CUX1: variants seen among roughly 807,000 people sequenced by gnomAD.
CUX1 encodes the protein protein CASP.
In CUX1, 31 loss-of-function variants were observed where a neutral mutation model predicts 158.8. That is an observed-to-expected ratio of 0.20 (90% CI 0.15 to 0.26). CUX1 has a LOEUF of 0.26. CUX1 is among the 10% of genes least tolerant of loss of function. The pLI is 1.00. For missense variants in CUX1, 1,589 were observed against 2,014.6 expected, an observed-to-expected ratio of 0.79 and a Z score of 4.04; for synonymous variants, 879 against 862.1, an observed-to-expected ratio of 1.02 and a Z score of -0.34.
intron 6 of CUX1, among the ~76,000 whole-genome samples, chr7:102,105,723 G>A: frequency 6.6e-6 from 1 of 151,926 alleles, no homozygotes; most frequent in East Asian, 1.9e-4. Context: ...ATGTTGGCCA[G>A]GCTGGTCTTG....
At chr7:101,967,715 T>C (rs1018004047) in intron 2 of CUX1, among the ~76,000 whole-genome samples, 1 of 152,196 alleles carries the variant, frequency 6.6e-6, no homozygotes, top group East Asian at 1.9e-4. Flanking sequence ...TAAAAAGATA[T>C]GTAAAAGGTC....
exon 18 of CUX1, chr7:102,278,013 A>T (rs1554548146): frequency 2.5e-6 from 4 of 1,573,340 alleles, no homozygotes; most frequent in Non-Finnish European, 3.5e-6. Flanking sequence ...CTGCGCGCCG[A>T]CAACATCAAG....
chr7:102,277,887 G>A (rs2132827077), intron 17 of CUX1: 1 of 1,052,906 alleles, frequency 9.5e-7, no homozygotes, highest in Non-Finnish European at 1.4e-6. Flanking sequence ...GGTAGACGGA[G>A]CAGCACCTGT....
intron 2 of CUX1, among the ~76,000 whole-genome samples, chr7:102,009,648 C>G (rs929950403): frequency 2.6e-5 from 4 of 152,244 alleles, no homozygotes; most frequent in Non-Finnish European, 4.4e-5. Context: ...CACGCCAGGT[C>G]TTAAACCCTG....
intron 2 of CUX1, among the ~76,000 whole-genome samples, chr7:101,938,333 T>G (rs1235990833): frequency 1.3e-5 from 2 of 151,948 alleles, no homozygotes; most frequent in Non-Finnish European, 2.9e-5. Context: ...TCTCAAACTC[T>G]GGGGCTCAAA....
intron 2 of CUX1, among the ~76,000 whole-genome samples, chr7:102,004,224 C>T (rs1468566796): frequency 1.3e-5 from 2 of 152,164 alleles, no homozygotes; most frequent in African/African-American, 4.8e-5. Context: ...GCCAAGCAGG[C>T]TTCCTTACGG....
chr7:102,035,321 T>G (rs932511899), intron 3 of CUX1, among the ~76,000 whole-genome samples: 3 of 152,138 alleles, frequency 2.0e-5, no homozygotes, highest in Non-Finnish European at 4.4e-5. Context: ...CATGAGCTGG[T>G]GAATACCTGA....
At chr7:102,101,062 T>C (rs1445492968) in intron 5 of CUX1, among the ~76,000 whole-genome samples, 1 of 152,046 alleles carries the variant, frequency 6.6e-6, no homozygotes, top group Non-Finnish European at 1.5e-5. Context: ...TCTCAGTGAC[T>C]CATCACCAGA....
intron 9 of CUX1, among the ~76,000 whole-genome samples, chr7:102,165,336 C>A (rs897293581): frequency 1.4e-5 from 2 of 142,962 alleles, no homozygotes; most frequent in African/African-American, 5.1e-5. Context: ...TCGGGCACTG[C>A]GGTTAGGGGA....
chr7:102,129,821 G>T (rs537213213), intron 8 of CUX1, among the ~76,000 whole-genome samples: 1 of 152,174 alleles, frequency 6.6e-6, no homozygotes, highest in Non-Finnish European at 1.5e-5. Context: ...CCAAGGTGGC[G>T]GCCCGCATTG....
chr7:102,081,047 C>T (rs545779834), intron 4 of CUX1, among the ~76,000 whole-genome samples: 2 of 152,316 alleles, frequency 1.3e-5, no homozygotes, highest in African/African-American at 4.8e-5. Context: ...CTCCCCATCA[C>T]AGCAGAACTC....
At chr7:101,969,359 CAAAAA>C (rs10711703) in intron 2 of CUX1, among the ~76,000 whole-genome samples, 8 of 56,114 alleles carry the variant, frequency 1.4e-4, no homozygotes, top group African/African-American at 2.2e-4. Context: ...CAAAAAACAG[CAAAAA>C]AAAAAAAAAA....
downstream of CUX1, chr7:102,258,331 C>T: frequency 3.0e-6 from 1 of 332,896 alleles, no homozygotes; most frequent in Non-Finnish European, 4.3e-6. Flanking sequence ...AATCGCCGTT[C>T]CCGAGGTCGT....
chr7:102,178,328 G>C lies in CUX1; in HGVS notation c.829-141G>C. 3.6e-6 allele frequency: 3 copies of C among 826,764 alleles called. No homozygotes were observed. The South Asian group carries it at 5.7e-5, about 16-fold the overall frequency. The allele number at this position is 826,764 out of a possible 1,614,324, so 51.2% of individuals were successfully genotyped here. ...GGAAGGTTGCATAGGGGAAGTGCAAGCAAGGGCAAGAAGTGACATCCTGCC... is the reference window on the plus strand; with the variant it reads ...GGAAGGTTGCATAGGGGAAGTGCAACCAAGGGCAAGAAGTGACATCCTGCC... On this transcript the variant is annotated intron_variant, in intron 10 of 23. Coordinates refer to ENST00000292535, the MANE Select transcript of CUX1 (RefSeq NM_181552.4).
rs180828525 is a variant in CUX1, at chr7:102,170,499, G to A, written c.777G>A (p.Ser259=). 70 of 1,593,584 alleles carry A rather than the reference G, an allele frequency of 4.4e-5. No homozygotes were observed. In the East Asian group the frequency reaches 6.6e-4, roughly 15 times the overall value. The change falls in exon 10 of 24, where the codon TCG becomes TCA. Residue 259 remains serine, a synonymous_variant. Coordinates refer to ENST00000292535, the MANE Select transcript of CUX1 (RefSeq NM_181552.4). ...AGACCTTAAGGGAACAGCTCTCATC[G>A]GCCAATCACTCCCTCCAGCTGGCCT... The part of the protein sequence containing the change: ...EAETLREQLS[S]ANHSLQLASQ...
chr7:102,183,304 G>A (rs578155860), intron 11 of CUX1, among the ~76,000 whole-genome samples: 2 of 151,700 alleles, frequency 1.3e-5, no homozygotes, highest in South Asian at 2.1e-4. Flanking sequence ...GTGAGCCATC[G>A]CGCCCGGCCC....
Position 102,249,787 on chromosome 7 carries a change from T to G in CUX1, c.*745T>G. 3.0e-6 allele frequency: 3 copies of G among 985,758 alleles called. No individual in the cohort carries two copies. The highest frequency in any genetic ancestry group is 3.6e-6 in the Non-Finnish European group (3 of 829,866). 61.1% of individuals were successfully genotyped at this position (985,758 alleles called of 1,614,324 possible). A position where few individuals can be genotyped will look rare whatever the true frequency, so the allele number is the denominator to read the frequency against. On this transcript the variant is annotated 3_prime_UTR_variant, in exon 24 of 24. Transcript: ENST00000292535. Reference sequence around the variant, plus strand: ...ACGACTCTAAACACACTAGTTTGGATTCCTAAATATTTTCAAGAAAAGAAT... The same window carrying G: ...ACGACTCTAAACACACTAGTTTGGAGTCCTAAATATTTTCAAGAAAAGAAT...
chr7:102,038,389 G>A (rs1309962609), intron 3 of CUX1, among the ~76,000 whole-genome samples: 1 of 152,148 alleles, frequency 6.6e-6, no homozygotes, highest in African/African-American at 2.4e-5. Flanking sequence ...AACCCAGTAA[G>A]GAAATGAGTA....
chr7:102,260,561 C>A (rs1422698101), downstream of CUX1, among the ~76,000 whole-genome samples: 1 of 135,224 alleles, frequency 7.4e-6, no homozygotes, highest in African/African-American at 2.7e-5. Context: ...TGCCCGCCAC[C>A]ACACCTGGCT....
Sources: gnomAD v4.1 joint callset for allele counts (sites outside exome capture counted in the v4.1 genomes callset) on GRCh38, gnomAD v4.1.1 for gene constraint, MANE v1.5 for transcripts, NCBI Gene and HGNC (gene_info 2026-07-23, HGNC 2026-07-21) for gene names.